The following CORIN variants were observed in gnomAD, a reference collection of about 807,000 sequenced individuals.
CORIN encodes atrial natriuretic peptide-converting enzyme.
CORIN carries 117 observed loss-of-function variants against 125.3 expected under a neutral mutation model. That is an observed-to-expected ratio of 0.93 (90% CI 0.80 to 1.09). The LOEUF is 1.09. Among genes scored for constraint, CORIN ranks in the 50% least tolerant of loss-of-function variants. CORIN has a pLI of 0.00. For synonymous variants in CORIN, 450 were observed against 466.4 expected, an observed-to-expected ratio of 0.96 and a Z score of 0.45; for missense variants, 1,253 against 1,306.7, an observed-to-expected ratio of 0.96 and a Z score of 0.63.
intron 4 of CORIN, among the ~76,000 whole-genome samples, chr4:47,755,140 C>A (rs1729078026): frequency 1.3e-5 from 2 of 152,110 alleles, no homozygotes; most frequent in Non-Finnish European, 2.9e-5. Flanking sequence ...AGTTTAAATA[C>A]CTCCAGTAAT....
intron 11 of CORIN, among the ~76,000 whole-genome samples, chr4:47,663,344 A>G: frequency 6.6e-6 from 1 of 152,168 alleles, no homozygotes; most frequent in South Asian, 2.1e-4. Context: ...ATTCAATGTT[A>G]AAATTAATAA....
chr4:47,797,725 AAC>A (rs1156317589), intron 2 of CORIN, among the ~76,000 whole-genome samples: 1 of 152,140 alleles, frequency 6.6e-6, no homozygotes, highest in Non-Finnish European at 1.5e-5. Flanking sequence ...AATCAAATAA[AAC>A]AAATTCTTTA....
intron 1 of CORIN, among the ~76,000 whole-genome samples, chr4:47,835,321 AAT>A (rs1262890266): frequency 6.6e-6 from 1 of 152,206 alleles, no homozygotes; most frequent in Non-Finnish European, 1.5e-5. Context: ...ATACTTGTTG[AAT>A]AACTTATTAG....
At chr4:47,678,848 G>T (rs973397717) in intron 8 of CORIN, among the ~76,000 whole-genome samples, 2 of 152,134 alleles carry the variant, frequency 1.3e-5, no homozygotes, top group Non-Finnish European at 2.9e-5. Flanking sequence ...CCATGTCCTT[G>T]CTTCTCCAAG....
At position 47,661,831 on chromosome 4, in the gene CORIN, G is replaced by A. The variant is rs201223301; in HGVS notation, c.1615C>T (p.Arg539Cys). Residue 539 changes from arginine to cysteine, a missense_variant, in exon 12 of 22, where the codon CGC becomes TGC. Physicochemically the swap from Arg to Cys is radical, Grantham distance 180. Transcript: ENST00000273857. ...ACAATCCCAAGAACAGACTCACAGC[G>A]TTCTTTAGAGTGTTCACACAATGCC... ...CRALCEHSKE[R>C]CESVLGIVGL... The A allele has an allele frequency of 1.3e-4, 212 of 1,610,172 alleles. No homozygotes were observed. The highest frequency in any genetic ancestry group is 1.5e-4 in the Non-Finnish European group (176 of 1,177,688).
Position 47,706,742 on chromosome 4 carries a change from G to A in CORIN, c.800-13659C>T. 6 of 1,602,150 alleles carry A rather than the reference G, an allele frequency of 3.7e-6. No homozygotes were observed. In the South Asian group the frequency reaches 5.5e-5, roughly 15 times the overall value. On this transcript the variant is annotated intron_variant, in intron 5 of 21. Coordinates refer to ENST00000273857, the MANE Select transcript of CORIN (RefSeq NM_006587.4). Reference sequence around the variant, plus strand: ...CCTGAATTCTTACTGGGTTGGTGAAGATTCCACATACAAATTTTTTGAGGT... The same window carrying A: ...CCTGAATTCTTACTGGGTTGGTGAAAATTCCACATACAAATTTTTTGAGGT...
chr4:47,787,713 A>G (rs540648082), intron 2 of CORIN, among the ~76,000 whole-genome samples: 13 of 152,362 alleles, frequency 8.5e-5, no homozygotes, highest in African/African-American at 2.9e-4. Context: ...TGGTGCACCC[A>G]TGCACCATGC....
At chr4:47,670,958 A>G (rs1280564348) in intron 10 of CORIN, among the ~76,000 whole-genome samples, 3 of 152,218 alleles carry the variant, frequency 2.0e-5, no homozygotes, top group Non-Finnish European at 4.4e-5. Flanking sequence ...TGTGGTTTTT[A>G]GGCTTTTTAA....
At chr4:47,724,470 T>G (rs575207689) in intron 5 of CORIN, among the ~76,000 whole-genome samples, 1 of 152,254 alleles carries the variant, frequency 6.6e-6, no homozygotes, top group African/African-American at 2.4e-5. Flanking sequence ...GAAGAAAAGT[T>G]TGAAAATTTA....
At chr4:47,792,650 C>T (rs1731130566) in intron 2 of CORIN, among the ~76,000 whole-genome samples, 1 of 152,194 alleles carries the variant, frequency 6.6e-6, no homozygotes, top group African/African-American at 2.4e-5. Context: ...TCTCCTTCTA[C>T]TGGGGCATAA....
intron 19 of CORIN, among the ~76,000 whole-genome samples, chr4:47,617,620 T>C (rs1200730066): frequency 6.6e-6 from 1 of 152,194 alleles, no homozygotes; most frequent in African/African-American, 2.4e-5. Flanking sequence ...CAGCACCCCA[T>C]GGGAGGTATG....
intron 5 of CORIN, among the ~76,000 whole-genome samples, chr4:47,717,440 C>A (rs1727143938): frequency 6.6e-6 from 1 of 152,144 alleles, no homozygotes; most frequent in Admixed American, 6.5e-5. Context: ...TTCTTCCAGC[C>A]AAGAAATCCT....
At chr4:47,775,767 C>T (rs1402089180) in intron 3 of CORIN, among the ~76,000 whole-genome samples, 1 of 152,206 alleles carries the variant, frequency 6.6e-6, no homozygotes, top group Non-Finnish European at 1.5e-5. Flanking sequence ...TTCTGCTTCA[C>T]TGCTTCTCAT....
At chr4:47,702,363 C>A (rs1726338607) in intron 5 of CORIN, among the ~76,000 whole-genome samples, 1 of 152,028 alleles carries the variant, frequency 6.6e-6, no homozygotes, top group Non-Finnish European at 1.5e-5. Context: ...AGAAAATAGT[C>A]TCTTGCATAC....
intron 10 of CORIN, among the ~76,000 whole-genome samples, chr4:47,672,787 A>G (rs1724819448): frequency 6.6e-6 from 1 of 152,006 alleles, no homozygotes; most frequent in Admixed American, 6.6e-5. Flanking sequence ...GTTCTCTCAT[A>G]TGGGAAATGG....
At chr4:47,768,990 G>A (rs757364773) in intron 3 of CORIN, among the ~76,000 whole-genome samples, 16 of 152,148 alleles carry the variant, frequency 1.1e-4, no homozygotes, top group Non-Finnish European at 2.1e-4. Flanking sequence ...GCAAGAGAAA[G>A]AAATAAAAGG....
intron 7 of CORIN, chr4:47,680,641 G>T (rs1450897456): frequency 3.6e-5 from 7 of 192,084 alleles, no homozygotes; most frequent in African/African-American, 1.7e-4. Context: ...CGGATTTGAT[G>T]TATCTGTAAC....
intron 19 of CORIN, among the ~76,000 whole-genome samples, chr4:47,605,632 G>T (rs61456945): frequency 0.011 from 1,718 of 152,184 alleles, 32 homozygotes; most frequent in African/African-American, 0.038. Flanking sequence ...AACTAAAGTA[G>T]GTTGATTTGA....
intron 13 of CORIN, among the ~76,000 whole-genome samples, chr4:47,651,436 T>G (rs999428807): frequency 1.3e-5 from 2 of 152,222 alleles, no homozygotes; most frequent in African/African-American, 2.4e-5. Context: ...CTATTAGTCC[T>G]CTGTTGAGCC....
Sources: allele counts gnomAD v4.1 joint callset (sites outside exome capture counted in the v4.1 genomes callset), GRCh38; gene constraint gnomAD v4.1.1; transcripts MANE v1.5; gene names NCBI Gene and HGNC (gene_info 2026-07-23, HGNC 2026-07-21).